PEX3: variants seen among roughly 807,000 people sequenced by gnomAD.
PEX3 encodes peroxin-3.
In PEX3, 30 loss-of-function variants were observed where a neutral mutation model predicts 55.8. The ratio of observed to expected loss-of-function variants is 0.54; its 90% CI spans 0.40 to 0.73. The LOEUF (loss-of-function observed/expected upper bound fraction) is 0.73. Ranked by LOEUF, PEX3 falls within the 30% of genes least tolerant of loss-of-function variation. The pLI is 0.00. For missense variants in PEX3, 351 were observed against 432.8 expected, an observed-to-expected ratio of 0.81 and a Z score of 1.68; for synonymous variants, 135 against 148.4, an observed-to-expected ratio of 0.91 and a Z score of 0.66.
rs1051594385 is a variant in PEX3 at position 143,483,905 on chromosome 6, T to A, written c.942-1247T>A. On this transcript the variant is annotated intron_variant, in intron 10 of 11. Transcript: ENST00000367591. This position sits in a 1 kb window ranked among gnomAD's most constrained non-coding sequence, Gnocchi z 4.3. Reference sequence around the variant, plus strand: ...GAGGGGAGACAGAGCAATCAAGTAATCAAAATCATGATAGATTTTGAAAAA... The same window carrying A: ...GAGGGGAGACAGAGCAATCAAGTAAACAAAATCATGATAGATTTTGAAAAA... Among the ~76,000 whole-genome samples the A allele has an allele frequency of 6.6e-6, 1 of 151,616 alleles. No individual in the cohort carries two copies. The highest frequency in any genetic ancestry group is 2.4e-5 in the African/African-American group (1 of 41,256).
intron 1 of PEX3, among the ~76,000 whole-genome samples, chr6:143,457,883 T>C (rs1232215499): frequency 6.6e-6 from 1 of 152,196 alleles, no homozygotes; most frequent in African/African-American, 2.4e-5. Context: ...AGGATTTGGT[T>C]GGCTACCTGG....
Position 143,486,147 on chromosome 6 carries a change from A to T in PEX3, c.1038+899A>T, listed in dbSNP as rs2128748111. Among the ~76,000 whole-genome samples, 1 of 152,248 alleles carries T rather than the reference A, an allele frequency of 6.6e-6. No homozygotes were observed. The highest frequency in any genetic ancestry group is 2.1e-4 in the South Asian group (1 of 4,824). ...CACATTTTCCCACACTGGACTCTTC[A>T]GTCTTCTGTCCTCTTTCTCACCCCT... is the stretch of plus-strand genomic sequence containing the variant. On this transcript the variant is annotated intron_variant, in intron 11 of 11. Transcript: ENST00000367591. The surrounding 1 kb of genome is among the most constrained non-coding windows in gnomAD (Gnocchi z 5.0).
Position 143,471,735 on chromosome 6 carries a change from C to A in PEX3, c.578+124C>A. 1 of 766,560 alleles carries A rather than the reference C, an allele frequency of 1.3e-6. No individual in the cohort carries two copies. Among genetic ancestry groups the A allele is most frequent in the South Asian group, 1.4e-5 (1 of 69,896 alleles). 47.5% of individuals were successfully genotyped at this position (766,560 alleles called of 1,614,324 possible). A position where few individuals can be genotyped will look rare whatever the true frequency, so the allele number is the denominator to read the frequency against. ...TTTGTGAAACTCTTTGTAATAAAAT[C>A]AGATACCATCCTAGGATATTGCATT... On this transcript the variant is annotated intron_variant, in intron 7 of 11. Coordinates refer to ENST00000367591, the MANE Select transcript of PEX3 (RefSeq NM_003630.3). The surrounding 1 kb of genome is among the most constrained non-coding windows in gnomAD (Gnocchi z 5.4).
In PEX3 at chr6:143,483,504, C is replaced by T. The variant is rs1318855866; in HGVS notation, c.942-1648C>T. ...CAAAGGTTTTGAAGCCACCTAAGTA[C>T]ATTTTAAGACTTATAAAGAGGCTGG... On this transcript the variant is annotated intron_variant, in intron 10 of 11. Coordinates refer to ENST00000367591, the MANE Select transcript of PEX3 (RefSeq NM_003630.3). This position sits in a 1 kb window ranked among gnomAD's most constrained non-coding sequence, Gnocchi z 4.3. Among the ~76,000 whole-genome samples the T allele has an allele frequency of 1.3e-5, 2 of 152,104 alleles. No homozygotes were observed. The highest frequency in any genetic ancestry group is 2.4e-5 in the African/African-American group (1 of 41,432).
At position 143,487,501 on chromosome 6, in the gene PEX3, ATAAATTAAAAACTCAATAAGATCCT is replaced by A. The variant is rs1780336798; in HGVS notation, c.1039-1638_1039-1614del. 6.6e-6 allele frequency among the ~76,000 whole-genome samples: 1 copy of A among 152,152 alleles called. No homozygotes were observed. The highest frequency in any genetic ancestry group is 6.6e-5 in the Admixed American group (1 of 15,256). On this transcript the variant is annotated intron_variant, in intron 11 of 11. Transcript: ENST00000367591. This position sits in a 1 kb window ranked among gnomAD's most constrained non-coding sequence, Gnocchi z 5.3. ...CCAGTGTTTAAATCATTTTTAGTGT[ATAAATTAAAAACTCAATAAGATCCT>A]TAAGATTAGAGCTTTTTCGTAACTC...
rs1265189723 is a variant in PEX3, at chr6:143,453,817, A to G, written c.73+2702A>G. Among the ~76,000 whole-genome samples the G allele has an allele frequency of 2.0e-5, 3 of 152,108 alleles. No homozygotes were observed. Among genetic ancestry groups the G allele is most frequent in the Admixed American group, 6.5e-5 (1 of 15,284 alleles). Reference sequence around the variant, plus strand: ...GGTCTTGAACTCCTGGCCTCAAGCAATCGTCCTGCCTCAGCCTCCTAAAGT... The same window carrying G: ...GGTCTTGAACTCCTGGCCTCAAGCAGTCGTCCTGCCTCAGCCTCCTAAAGT... On this transcript the variant is annotated intron_variant, in intron 1 of 11. Transcript: ENST00000367591. The surrounding 1 kb of genome is among the most constrained non-coding windows in gnomAD (Gnocchi z 4.6).
At chr6:143,452,132 C>T (rs909325651) in intron 1 of PEX3, among the ~76,000 whole-genome samples, 17 of 152,304 alleles carry the variant, frequency 1.1e-4, no homozygotes, top group African/African-American at 4.1e-4. Context: ...TCTCCCCAAA[C>T]AATTTGCAAT....
In PEX3 at chr6:143,479,448, A is replaced by G. The variant is rs1281515130; in HGVS notation, c.941+250A>G. Among the ~76,000 whole-genome samples, 1 of 152,126 alleles carries G rather than the reference A, an allele frequency of 6.6e-6. No individual in the cohort carries two copies. The highest frequency in any genetic ancestry group is 1.5e-5 in the Non-Finnish European group (1 of 67,964). ...GTACTTTAGTTGTAATTACCTTTCT[A>G]TAAGTTGAATTCCAATTATTGTTTT... On this transcript the variant is annotated intron_variant, in intron 10 of 11. Transcript: ENST00000367591. The surrounding 1 kb of genome is among the most constrained non-coding windows in gnomAD (Gnocchi z 4.6).
At chr6:143,474,198 C>T (rs917890802) in intron 8 of PEX3, among the ~76,000 whole-genome samples, 1 of 151,492 alleles carries the variant, frequency 6.6e-6, no homozygotes, top group African/African-American at 2.4e-5. Flanking sequence ...GCCTGTAATC[C>T]CAGCACTTTG....
rs934451233 is a variant in PEX3 at position 143,463,245 on chromosome 6, A to T, written c.287+248A>T. Among the ~76,000 whole-genome samples the T allele has an allele frequency of 6.6e-6, 1 of 152,216 alleles. No homozygotes were observed. Among genetic ancestry groups the T allele is most frequent in the Non-Finnish European group, 1.5e-5 (1 of 68,036 alleles). On this transcript the variant is annotated intron_variant, in intron 3 of 11. Transcript: ENST00000367591. This position sits in a 1 kb window ranked among gnomAD's most constrained non-coding sequence, Gnocchi z 5.7. Reference sequence around the variant, plus strand: ...TTTTCATATAAATAGACCTTATAGCACTTTGAAATTGTTCACAAATTTAAT... The same window carrying T: ...TTTTCATATAAATAGACCTTATAGCTCTTTGAAATTGTTCACAAATTTAAT...
chr6:143,490,554 G>T lies in PEX3; in HGVS notation c.*1328G>T. The T allele has an allele frequency of 2.0e-6, 1 of 506,758 alleles. No individual in the cohort carries two copies. The highest frequency in any genetic ancestry group is 2.4e-5 in the South Asian group (1 of 42,358). The allele number at this position is 506,758 out of a possible 1,614,324, so 31.4% of individuals were successfully genotyped here. A position where few individuals can be genotyped will look rare whatever the true frequency, so the allele number is the denominator to read the frequency against. ...CACATATGCTAATCTTGGCAAATCTGCCAAGCATGTCTTCACCAAGGGATA... is the reference window on the plus strand; with the variant it reads ...CACATATGCTAATCTTGGCAAATCTTCCAAGCATGTCTTCACCAAGGGATA... On this transcript the variant is annotated 3_prime_UTR_variant, in exon 12 of 12. Transcript: ENST00000367591. This position sits in a 1 kb window ranked among gnomAD's most constrained non-coding sequence, Gnocchi z 6.0.
rs1053412902 is a variant in PEX3 at position 143,462,845 on chromosome 6, C to T, written c.206-71C>T. ...GCTAGCCCTATCATATAGCCTAAAA[C>T]AATGCGCATTTCTTAGTGAGGGCAG... is the stretch of plus-strand genomic sequence containing the variant. On this transcript the variant is annotated intron_variant, in intron 2 of 11. Coordinates refer to ENST00000367591, the MANE Select transcript of PEX3 (RefSeq NM_003630.3). This position sits in a 1 kb window ranked among gnomAD's most constrained non-coding sequence, Gnocchi z 4.1. 7.0e-6 allele frequency: 8 copies of T among 1,144,932 alleles called. No homozygotes were observed. The highest frequency in any genetic ancestry group is 1.1e-5 in the Non-Finnish European group (8 of 752,192). The allele number at this position is 1,144,932 out of a possible 1,614,324, so 70.9% of individuals were successfully genotyped here. A position where few individuals can be genotyped will look rare whatever the true frequency, so the allele number is the denominator to read the frequency against.
intron 4 of PEX3, among the ~76,000 whole-genome samples, chr6:143,469,758 A>G (rs1382264221): frequency 4.6e-5 from 7 of 152,166 alleles, no homozygotes; most frequent in South Asian, 2.1e-4. Flanking sequence ...GCCCATGCCA[A>G]TGTCCTGAAT....
chr6:143,471,359 G>A lies in PEX3; in HGVS notation c.457-24G>A, dbSNP rs911295447. 2 of 1,526,084 alleles carry A rather than the reference G, an allele frequency of 1.3e-6. No homozygotes were observed. The highest frequency in any genetic ancestry group is 9.1e-7 in the Non-Finnish European group (1 of 1,101,728). 94.5% of individuals were successfully genotyped at this position (1,526,084 alleles called of 1,614,324 possible). ...TTACCAGTTTAAAACTTGGATAATTGAACTGTATTTCTGTTTTATACAGAC... is the reference window on the plus strand; with the variant it reads ...TTACCAGTTTAAAACTTGGATAATTAAACTGTATTTCTGTTTTATACAGAC... On this transcript the variant is annotated intron_variant, in intron 5 of 11. Transcript: ENST00000367591. The surrounding 1 kb of genome is among the most constrained non-coding windows in gnomAD (Gnocchi z 5.4).
rs774420942 is a variant in PEX3, at chr6:143,451,011, C to G, written c.-32C>G. The G allele has an allele frequency of 6.6e-7, 1 of 1,511,490 alleles. No individual in the cohort carries two copies. Among genetic ancestry groups the G allele is most frequent in the Non-Finnish European group, 9.2e-7 (1 of 1,086,578 alleles). The allele number at this position is 1,511,490 out of a possible 1,614,324, so 93.6% of individuals were successfully genotyped here. On this transcript the variant is annotated 5_prime_UTR_variant, in exon 1 of 12. Coordinates refer to ENST00000367591, the MANE Select transcript of PEX3 (RefSeq NM_003630.3). The surrounding 1 kb of genome is among the most constrained non-coding windows in gnomAD (Gnocchi z 4.1). ...GTTTCCTGGTGAAGCAGTCCCTCAC[C>G]CCTAGTCAGCCCACACCCCTAGGGC...
In PEX3 at chr6:143,454,636, G is replaced by T. The variant is rs1035933786; in HGVS notation, c.73+3521G>T. 1.3e-5 allele frequency among the ~76,000 whole-genome samples: 2 copies of T among 152,288 alleles called. No homozygotes were observed. Among genetic ancestry groups the T allele is most frequent in the African/African-American group, 4.8e-5 (2 of 41,556 alleles). ...ACTTTGAACTCATGGTACAGAAATG[G>T]AAATAAAAGTAGTATGATAGTATAG... On this transcript the variant is annotated intron_variant, in intron 1 of 11. Coordinates refer to ENST00000367591, the MANE Select transcript of PEX3 (RefSeq NM_003630.3). The surrounding 1 kb of genome is among the most constrained non-coding windows in gnomAD (Gnocchi z 4.3).
chr6:143,457,432 A>G (rs768278669), intron 1 of PEX3, among the ~76,000 whole-genome samples: 3 of 152,178 alleles, frequency 2.0e-5, no homozygotes, highest in Non-Finnish European at 4.4e-5. Context: ...TGTTTTTAGC[A>G]CATACCCTTT....
At chr6:143,455,878 T>C (rs998220197) in intron 1 of PEX3, among the ~76,000 whole-genome samples, 5 of 152,162 alleles carry the variant, frequency 3.3e-5, no homozygotes, top group African/African-American at 9.7e-5. Context: ...ATCTGTTGGA[T>C]TGGGAACAAT....
At position 143,454,430 on chromosome 6, in the gene PEX3, T is replaced by C. The variant is rs1305872196; in HGVS notation, c.73+3315T>C. Among the ~76,000 whole-genome samples the C allele has an allele frequency of 6.6e-6, 1 of 152,250 alleles. No individual in the cohort carries two copies. Among genetic ancestry groups the C allele is most frequent in the East Asian group, 1.9e-4 (1 of 5,206 alleles). ...ACCAGATTGATATTTATTGACTTAC[T>C]GGTTTCTGAAAACCTCAGAACATTG... On this transcript the variant is annotated intron_variant, in intron 1 of 11. Transcript: ENST00000367591. The surrounding 1 kb of genome is among the most constrained non-coding windows in gnomAD (Gnocchi z 4.3).
Sources: allele counts gnomAD v4.1 joint callset (sites outside exome capture counted in the v4.1 genomes callset), GRCh38; gene constraint gnomAD v4.1.1; non-coding constraint Gnocchi (gnomAD v3.1); transcripts MANE v1.5; gene names NCBI Gene and HGNC (gene_info 2026-07-23, HGNC 2026-07-21).